Variants in PCDH15 observed in about 807,000 individuals in gnomAD.
PCDH15 encodes the protein protocadherin related 15, also known as protocadherin-15.
A neutral mutation model predicts 178.5 loss-of-function variants in PCDH15; 129 were observed. The observed-to-expected ratio is 0.72, with a 90% CI of 0.63 to 0.84. The LOEUF is 0.84. Ranked by LOEUF, PCDH15 falls within the 40% of genes least tolerant of loss-of-function variation. The pLI is 0.00. For synonymous variants in PCDH15, 800 were observed against 732.0 expected (o/e 1.09, Z -1.50); for missense variants, 2,230 against 2,099.9 (o/e 1.06, Z -1.21).
At chr10:55,075,013 A>T (rs1333427352) in intron 2 of PCDH15, among the ~76,000 whole-genome samples, 1 of 152,140 alleles carries the variant, frequency 6.6e-6, no homozygotes, top group East Asian at 1.9e-4. Flanking sequence ...TTTGTCAAAG[A>T]TCAGATGACG....
intron 2 of PCDH15, among the ~76,000 whole-genome samples, chr10:54,538,065 G>A (rs2084777369): frequency 6.6e-6 from 1 of 152,188 alleles, no homozygotes; most frequent in Admixed American, 6.5e-5. Context: ...TGTGTAGGTT[G>A]TATTTTTACT....
At chr10:54,337,546 C>T (rs1044369005) in intron 6 of PCDH15, among the ~76,000 whole-genome samples, 6 of 152,228 alleles carry the variant, frequency 3.9e-5, no homozygotes, top group South Asian at 2.1e-4. Context: ...TTATCAACAG[C>T]GTGAAAACGG....
intron 3 of PCDH15, among the ~76,000 whole-genome samples, chr10:54,518,333 A>C (rs2082444831): frequency 6.6e-6 from 1 of 151,902 alleles, no homozygotes; most frequent in Non-Finnish European, 1.5e-5. Context: ...ATAAAGAAAA[A>C]AAGAGAGAAG....
intron 3 of PCDH15, among the ~76,000 whole-genome samples, chr10:54,449,199 C>G (rs1249712606): frequency 6.6e-6 from 1 of 151,784 alleles, no homozygotes; most frequent in East Asian, 1.9e-4. Context: ...TTAGGTTTCA[C>G]TTCCCACTGA....
At chr10:55,554,886 T>C (rs570724434) in intron 2 of PCDH15, among the ~76,000 whole-genome samples, 17 of 152,176 alleles carry the variant, frequency 1.1e-4, no homozygotes, top group Admixed American at 1.3e-4. Context: ...TTTGATGATA[T>C]AGACAGTTGT....
At chr10:54,273,271 C>A (rs2132531591) in intron 8 of PCDH15, among the ~76,000 whole-genome samples, 1 of 150,328 alleles carries the variant, frequency 6.7e-6, no homozygotes, top group Admixed American at 6.6e-5. Flanking sequence ...CTGAATACAG[C>A]AAAAGCTGAA....
At chr10:54,092,583 G>C (rs2094617615) in intron 15 of PCDH15, among the ~76,000 whole-genome samples, 1 of 151,944 alleles carries the variant, frequency 6.6e-6, no homozygotes, top group African/African-American at 2.4e-5. Context: ...ATATTTCATT[G>C]AGTTAGTCAT....
chr10:55,287,573 G>A (rs1842902053), intron 1 of PCDH15, among the ~76,000 whole-genome samples: 1 of 152,016 alleles, frequency 6.6e-6, no homozygotes, highest in South Asian at 2.1e-4. Flanking sequence ...GTAAGCTAGG[G>A]CAGTGACAGT....
At chr10:54,567,921 C>A (rs2089275907) in intron 2 of PCDH15, among the ~76,000 whole-genome samples, 1 of 152,114 alleles carries the variant, frequency 6.6e-6, no homozygotes, top group Non-Finnish European at 1.5e-5. Flanking sequence ...AGGCTTCCAG[C>A]ATCTGCTGAA....
At chr10:54,401,945 AT>A (rs1173567681) in intron 3 of PCDH15, among the ~76,000 whole-genome samples, 1 of 151,896 alleles carries the variant, frequency 6.6e-6, no homozygotes, top group Non-Finnish European at 1.5e-5. Flanking sequence ...ACATCAAAGA[AT>A]AAAAAGTACA....
chr10:54,636,328 A>G (rs1452180455), intron 2 of PCDH15, among the ~76,000 whole-genome samples: 2 of 152,002 alleles, frequency 1.3e-5, no homozygotes, highest in Non-Finnish European at 2.9e-5. Flanking sequence ...GCATGTCTCT[A>G]TTCTCCCATT....
intron 2 of PCDH15, among the ~76,000 whole-genome samples, chr10:55,422,292 T>C (rs919770964): frequency 6.6e-6 from 1 of 151,828 alleles, no homozygotes; most frequent in African/African-American, 2.4e-5. Context: ...CAGCAGAAAA[T>C]TTAACAAAAC....
At chr10:54,371,690 C>A (rs1037764535) in intron 4 of PCDH15, among the ~76,000 whole-genome samples, 12 of 151,486 alleles carry the variant, frequency 7.9e-5, no homozygotes, top group Admixed American at 4.6e-4. Flanking sequence ...CTACTATATA[C>A]CCATAAAAGT....
intron 3 of PCDH15, among the ~76,000 whole-genome samples, chr10:54,458,494 T>C (rs929091176): frequency 2.0e-5 from 3 of 152,176 alleles, no homozygotes; most frequent in African/African-American, 4.8e-5. Flanking sequence ...TTCTTTGCTT[T>C]TTTTTTCTGT....
At chr10:54,499,828 T>G (rs1432061580) in intron 3 of PCDH15, among the ~76,000 whole-genome samples, 1 of 152,062 alleles carries the variant, frequency 6.6e-6, no homozygotes, top group Non-Finnish European at 1.5e-5. Context: ...AAATTAGAGC[T>G]GACCAGAATG....
chr10:55,263,838 C>G (rs574487708), intron 1 of PCDH15, among the ~76,000 whole-genome samples: 1 of 152,182 alleles, frequency 6.6e-6, no homozygotes, highest in East Asian at 1.9e-4. Context: ...GGGTTCACGC[C>G]GTTCTCCTGC....
At chr10:55,568,946 A>C (rs975596104) in intron 2 of PCDH15, among the ~76,000 whole-genome samples, 3 of 152,012 alleles carry the variant, frequency 2.0e-5, no homozygotes, top group Non-Finnish European at 4.4e-5. Flanking sequence ...GCTAGTTGAA[A>C]TCTCTGAGAG....
At chr10:54,969,094 A>G (rs1334674680) in intron 2 of PCDH15, among the ~76,000 whole-genome samples, 1 of 149,402 alleles carries the variant, frequency 6.7e-6, no homozygotes, top group African/African-American at 2.5e-5. Context: ...TTTTTTTTTT[A>G]CTACTTAATG....
At chr10:54,990,402 G>A (rs1266497071) in intron 2 of PCDH15, among the ~76,000 whole-genome samples, 1 of 152,098 alleles carries the variant, frequency 6.6e-6, no homozygotes, top group African/African-American at 2.4e-5. Context: ...ACAGTTCAGG[G>A]AATGTCTGGT....
Sources: allele counts gnomAD v4.1 joint callset (sites outside exome capture counted in the v4.1 genomes callset), GRCh38; gene constraint gnomAD v4.1.1; transcripts MANE v1.5; gene names NCBI Gene and HGNC (gene_info 2026-07-23, HGNC 2026-07-21).